Variants in VMP1 observed in about 807,000 individuals in gnomAD.
VMP1 encodes the protein ectopic P-granules autophagy protein 3 homolog.
VMP1 carries 11 observed loss-of-function variants against 56.0 expected under a neutral mutation model. That is an observed-to-expected ratio of 0.20 (90% confidence interval 0.12 to 0.32). The LOEUF is 0.32. VMP1 is among the 10% of genes least tolerant of loss of function. VMP1 has a pLI of 1.00. For synonymous variants in VMP1, 149 were observed against 165.0 expected (o/e 0.90, Z 0.74); for missense variants, 296 against 490.3 (o/e 0.60, Z 3.74).
At chr17:59,817,388 T>C (rs972982240) in intron 9 of VMP1, among the ~76,000 whole-genome samples, 5 of 150,246 alleles carry the variant, frequency 3.3e-5, no homozygotes, top group African/African-American at 1.2e-4. Context: ...CTCCTCACTC[T>C]GTCATCAGGC....
chr17:59,836,559 C>T (rs889062323), intron 10 of VMP1, among the ~76,000 whole-genome samples: 3 of 152,066 alleles, frequency 2.0e-5, no homozygotes, highest in East Asian at 1.9e-4. Flanking sequence ...CCAATTCCTT[C>T]GGTATATATC....
chr17:59,718,183 CCT>C (rs2034243492), intron 1 of VMP1, among the ~76,000 whole-genome samples: 2 of 134,034 alleles, frequency 1.5e-5, no homozygotes, highest in Admixed American at 1.6e-4. Flanking sequence ...TTCCCTCCCT[CCT>C]TTTTTTTTTT....
At chr17:59,826,719 G>T (rs2038656180) in intron 10 of VMP1, among the ~76,000 whole-genome samples, 1 of 152,204 alleles carries the variant, frequency 6.6e-6, no homozygotes, top group African/African-American at 2.4e-5. Flanking sequence ...GATAAGAGAT[G>T]ATTGAGATAG....
chr17:59,782,460 A>G (rs2036858364), intron 7 of VMP1, among the ~76,000 whole-genome samples: 2 of 152,222 alleles, frequency 1.3e-5, no homozygotes, highest in African/African-American at 4.8e-5. Context: ...TTAAAAAGAT[A>G]CTGGGTTCTT....
intron 10 of VMP1, among the ~76,000 whole-genome samples, chr17:59,833,348 G>A (rs1005754088): frequency 6.6e-6 from 1 of 152,066 alleles, no homozygotes; most frequent in Non-Finnish European, 1.5e-5. Flanking sequence ...GGCATCAGTA[G>A]CCTAAGTCAT....
At chr17:59,802,213 TAAAAC>T (rs748328864) in intron 7 of VMP1, among the ~76,000 whole-genome samples, 67 of 151,830 alleles carry the variant, frequency 4.4e-4, no homozygotes, top group South Asian at 6.2e-4. Context: ...ATAAAATAAA[TAAAAC>T]AAAATAAAAT....
In VMP1 at chr17:59,840,216, G is replaced by T. The variant is rs1366320193; in HGVS notation, c.*305G>T. On this transcript the variant is annotated 3_prime_UTR_variant, in exon 12 of 12. Coordinates refer to ENST00000262291, the MANE Select transcript of VMP1 (RefSeq NM_030938.5). ...TCAAAAGGCCCACATGATACAATTA[G>T]AGAATTCCCACCGCACAAAAAAAGT... 2 of 283,556 alleles carry T rather than the reference G, an allele frequency of 7.1e-6. No homozygotes were observed. The highest frequency in any genetic ancestry group is 1.1e-4 in the Admixed American group (2 of 18,656). 17.6% of individuals were successfully genotyped at this position (283,556 alleles called of 1,614,324 possible). A position where few individuals can be genotyped will look rare whatever the true frequency, so the allele number is the denominator to read the frequency against.
chr17:59,753,132 G>T (rs192653705), intron 5 of VMP1, among the ~76,000 whole-genome samples: 15 of 152,100 alleles, frequency 9.9e-5, no homozygotes, highest in African/African-American at 3.6e-4. Flanking sequence ...TTTTTAATTA[G>T]CCAGGTGTAG....
intron 5 of VMP1, among the ~76,000 whole-genome samples, chr17:59,741,727 A>AT (rs1263806666): frequency 6.6e-6 from 1 of 152,152 alleles, no homozygotes; most frequent in Non-Finnish European, 1.5e-5. Flanking sequence ...GTAGTTACCC[A>AT]TTTTTACGTT....
rs73994234 is a variant in VMP1 at position 59,723,611 on chromosome 17, T to C, written c.-26-7810T>C. On this transcript the variant is annotated intron_variant, in intron 1 of 11. Coordinates refer to ENST00000262291, the MANE Select transcript of VMP1 (RefSeq NM_030938.5). ...AATTTGATGATGAGTAAGTGGAGCC[T>C]GTATATGTCGGCAACTCTTTTGAGC... Among the ~76,000 whole-genome samples the C allele has an allele frequency of 4.2e-3, 636 of 152,286 alleles. 2 individuals carry two copies. Among genetic ancestry groups the C allele is most frequent in the African/African-American group, 0.015 (609 of 41,540 alleles).
intron 10 of VMP1, among the ~76,000 whole-genome samples, chr17:59,836,429 C>T (rs1252680809): frequency 6.6e-6 from 1 of 151,900 alleles, no homozygotes; most frequent in Admixed American, 6.6e-5. Flanking sequence ...AACTCCTGGG[C>T]TCAAGCCATC....
Position 59,841,250 on chromosome 17 carries a change from C to T in VMP1, c.*1339C>T, listed in dbSNP as rs752908264. On this transcript the variant is annotated 3_prime_UTR_variant, in exon 12 of 12. Coordinates refer to ENST00000262291, the MANE Select transcript of VMP1 (RefSeq NM_030938.5). ...GTTTTGCCTACCATCGTGACATCTC[C>T]ATGGCTGTACCACCTTGTCGGGTAG... 4.0e-6 allele frequency: 2 copies of T among 497,116 alleles called. No individual in the cohort carries two copies. The highest frequency in any genetic ancestry group is 2.0e-5 in the Admixed American group (1 of 51,088). 30.8% of individuals were successfully genotyped at this position (497,116 alleles called of 1,614,324 possible). A position where few individuals can be genotyped will look rare whatever the true frequency, so the allele number is the denominator to read the frequency against.
Position 59,760,706 on chromosome 17 carries a change from C to T in VMP1, c.415-4265C>T, listed in dbSNP as rs950441885. Reference sequence around the variant, plus strand: ...CGCAATCTCGGCTCACTGCAATCTCCGCCTCCCGGATTCAAGCCATTCCCC... The same window carrying T: ...CGCAATCTCGGCTCACTGCAATCTCTGCCTCCCGGATTCAAGCCATTCCCC... On this transcript the variant is annotated intron_variant, in intron 5 of 11. Transcript: ENST00000262291. 2.0e-5 allele frequency among the ~76,000 whole-genome samples: 3 copies of T among 152,234 alleles called. 1 individual carries two copies. The highest frequency in any genetic ancestry group is 4.1e-4 in the South Asian group (2 of 4,822).
At chr17:59,723,142 A>G (rs2034464211) in intron 1 of VMP1, among the ~76,000 whole-genome samples, 2 of 152,184 alleles carry the variant, frequency 1.3e-5, no homozygotes, top group Non-Finnish European at 2.9e-5. Context: ...TTATCTGTGA[A>G]TAAGTAGAAT....
chr17:59,795,800 G>A (rs2037419623), intron 7 of VMP1, among the ~76,000 whole-genome samples: 1 of 151,976 alleles, frequency 6.6e-6, no homozygotes, highest in South Asian at 2.1e-4. Context: ...TACTTCATTG[G>A]GTATCAGGTG....
chr17:59,841,531 G>T lies in VMP1; in HGVS notation c.*1620G>T. ...GTCTTCATGACCACAAATAAATAAA[G>T]GAAAACTAAGCTGCATTGTGGGTTT... is the stretch of plus-strand genomic sequence containing the variant. On this transcript the variant is annotated 3_prime_UTR_variant, in exon 12 of 12. Transcript: ENST00000262291. 1.9e-5 allele frequency: 4 copies of T among 209,780 alleles called. No individual in the cohort carries two copies. The highest frequency in any genetic ancestry group is 1.0e-4 in the East Asian group (1 of 9,664). 13.0% of individuals were successfully genotyped at this position (209,780 alleles called of 1,614,324 possible).
intron 9 of VMP1, among the ~76,000 whole-genome samples, chr17:59,816,818 C>G (rs968808136): frequency 5.3e-5 from 8 of 151,672 alleles, no homozygotes; most frequent in Non-Finnish European, 8.8e-5. Context: ...TGGTGTCGTG[C>G]GCCTGTAATC....
intron 1 of VMP1, among the ~76,000 whole-genome samples, chr17:59,720,299 G>A (rs1247095435): frequency 6.6e-6 from 1 of 152,146 alleles, no homozygotes. Flanking sequence ...TAGCTATGTG[G>A]ATAGACTAGA....
intron 10 of VMP1, among the ~76,000 whole-genome samples, chr17:59,833,765 T>C (rs2038890482): frequency 6.6e-6 from 1 of 152,214 alleles, no homozygotes; most frequent in African/African-American, 2.4e-5. Flanking sequence ...GGACTTACAA[T>C]GGTAAATTAT....
Sources: gnomAD v4.1 joint callset for allele counts (sites outside exome capture counted in the v4.1 genomes callset) on GRCh38, gnomAD v4.1.1 for gene constraint, MANE v1.5 for transcripts, NCBI Gene and HGNC (gene_info 2026-07-23, HGNC 2026-07-21) for gene names.